The following TAB2 variants were observed in gnomAD, a reference collection of about 807,000 sequenced individuals.
TAB2 encodes TGF-beta-activated kinase 1 and MAP3K7-binding protein 2.
TAB2 carries 3 observed loss-of-function variants against 65.0 expected under a neutral mutation model. The ratio of observed to expected loss-of-function variants is 0.05; its 90% CI spans 0.02 to 0.12. The LOEUF is 0.12. Ranked by LOEUF, TAB2 falls within the 10% of genes least tolerant of loss-of-function variation. The pLI, the probability that TAB2 is intolerant of heterozygous loss-of-function variation, is 1.00. For synonymous variants in TAB2, 298 were observed against 285.1 expected, an observed-to-expected ratio of 1.05 and a Z score of -0.46; for missense variants, 623 against 840.3, an observed-to-expected ratio of 0.74 and a Z score of 3.20.
At chr6:149,397,855 G>C in intron 4 of TAB2, 91 bp downstream of exon 4, 1 of 1,584,252 alleles carries the variant, frequency 6.3e-7, no homozygotes, top group Non-Finnish European at 8.6e-7. Context: ...GTTTTCTTCA[G>C]ATGTTCTTAA....
At chr6:149,309,293 AC>A (rs1176725185) in intron 1 of TAB2, among the ~76,000 whole-genome samples, 20 of 102,826 alleles carry the variant, frequency 1.9e-4, no homozygotes, top group African/African-American at 8.8e-4. Context: ...CTTTACATAT[AC>A]TTTTGCAAAC....
chr6:149,400,211 G>T, intron 6 of TAB2: 2 of 630,170 alleles, frequency 3.2e-6, no homozygotes, highest in Middle Eastern at 4.3e-4. Context: ...CCAATGGGAG[G>T]CCCCAACAGC....
chr6:149,258,082 C>T (rs1366949875), intron 1 of TAB2, among the ~76,000 whole-genome samples: 10 of 152,104 alleles, frequency 6.6e-5, no homozygotes, highest in African/African-American at 1.9e-4. Flanking sequence ...TGGCTAGGCC[C>T]GCTGGTCTGG....
At chr6:149,234,760 T>C (rs73604005) in intron 1 of TAB2, among the ~76,000 whole-genome samples, 1,697 of 150,684 alleles carry the variant, frequency 0.011, 35 homozygotes, top group African/African-American at 0.04. Flanking sequence ...GGTTGTGTCA[T>C]AGAACTGTGT....
At chr6:149,313,345 C>T (rs763704940), upstream of TAB2, among the ~76,000 whole-genome samples, 1 of 151,872 alleles carries the variant, frequency 6.6e-6, no homozygotes, top group Non-Finnish European at 1.5e-5. Flanking sequence ...TTGGCCTTCC[C>T]GAAACTCCAT....
At chr6:149,408,511 GTC>G (rs1280329568) in intron 6 of TAB2, among the ~76,000 whole-genome samples, 2 of 152,076 alleles carry the variant, frequency 1.3e-5, no homozygotes, top group African/African-American at 4.8e-5. Context: ...TGTTACAATA[GTC>G]TCTCTTTTAA....
chr6:149,263,158 G>C (rs1778189873), intron 1 of TAB2, among the ~76,000 whole-genome samples: 1 of 152,030 alleles, frequency 6.6e-6, no homozygotes, highest in Admixed American at 6.6e-5. Flanking sequence ...GCATTCAACT[G>C]ATCAAATTTC....
At chr6:149,352,970 T>C (rs1267732750) in intron 1 of TAB2, among the ~76,000 whole-genome samples, 2 of 152,198 alleles carry the variant, frequency 1.3e-5, no homozygotes, top group Non-Finnish European at 2.9e-5. Flanking sequence ...TTTTGGCACC[T>C]TTTTTCCCTC....
intron 1 of TAB2, among the ~76,000 whole-genome samples, chr6:149,256,403 T>C (rs1778035449): frequency 1.3e-5 from 2 of 152,186 alleles, no homozygotes; most frequent in East Asian, 1.9e-4. Context: ...TGCTTCCTCT[T>C]TGATAAAACT....
At chr6:149,355,405 C>T (rs1780622931) in intron 1 of TAB2, among the ~76,000 whole-genome samples, 1 of 151,988 alleles carries the variant, frequency 6.6e-6, no homozygotes, top group African/African-American at 2.4e-5. Flanking sequence ...GTGGCTAATA[C>T]CTGTAATCCC....
chr6:149,314,189 T>A (rs1046181307), upstream of TAB2, among the ~76,000 whole-genome samples: 2 of 152,236 alleles, frequency 1.3e-5, no homozygotes, highest in Non-Finnish European at 2.9e-5. Flanking sequence ...CTATATTAAC[T>A]CTTCATTATC....
intron 1 of TAB2, among the ~76,000 whole-genome samples, chr6:149,366,984 A>T (rs1781061125): frequency 6.6e-6 from 1 of 151,818 alleles, no homozygotes; most frequent in Non-Finnish European, 1.5e-5. Context: ...AGATCATTTG[A>T]AATATGTTTT....
At chr6:149,295,124 C>T (rs1441926929) in intron 1 of TAB2, among the ~76,000 whole-genome samples, 1 of 152,164 alleles carries the variant, frequency 6.6e-6, no homozygotes, top group Non-Finnish European at 1.5e-5. Context: ...ATGGTGGACA[C>T]CTAAAACAGG....
intron 1 of TAB2, among the ~76,000 whole-genome samples, chr6:149,284,730 T>C (rs1778638907): frequency 6.6e-6 from 1 of 151,802 alleles, no homozygotes; most frequent in Admixed American, 6.6e-5. Context: ...CATGGGCAGT[T>C]GCCTGAAGGG....
intron 3 of TAB2, among the ~76,000 whole-genome samples, chr6:149,385,206 TAAAA>T (rs1193592407): frequency 1.3e-5 from 2 of 152,246 alleles, no homozygotes; most frequent in Non-Finnish European, 2.9e-5. Context: ...TGAGATTTAA[TAAAA>T]AATGTTTATT....
chr6:149,219,509 G>A (rs1245668472), intron 1 of TAB2, among the ~76,000 whole-genome samples: 1 of 152,150 alleles, frequency 6.6e-6, no homozygotes, highest in East Asian at 1.9e-4. Context: ...CTGAGTTATT[G>A]TTCATTCAAA....
intron 1 of TAB2, among the ~76,000 whole-genome samples, chr6:149,329,081 A>T (rs2114747949): frequency 6.6e-6 from 1 of 152,322 alleles, no homozygotes; most frequent in Middle Eastern, 3.4e-3. Context: ...GTGGAAAATT[A>T]GAAAAAAGAC....
upstream of TAB2, among the ~76,000 whole-genome samples, chr6:149,218,394 T>G (rs1012407119): frequency 6.6e-6 from 1 of 152,128 alleles, no homozygotes; most frequent in African/African-American, 2.4e-5. Context: ...AAAGGCTTAA[T>G]CAGGGACAAA....
intron 1 of TAB2, among the ~76,000 whole-genome samples, chr6:149,273,412 C>A (rs576109545): frequency 3.3e-5 from 5 of 152,194 alleles, no homozygotes; most frequent in East Asian, 3.9e-4. Context: ...GAGTGGCTCT[C>A]GTGAAAACGG....
Sources: gnomAD v4.1 joint callset for allele counts (sites outside exome capture counted in the v4.1 genomes callset) on GRCh38, gnomAD v4.1.1 for gene constraint, MANE v1.5 for transcripts, NCBI Gene and HGNC (gene_info 2026-07-23, HGNC 2026-07-21) for gene names.